PSD3: variants seen among roughly 807,000 people sequenced by gnomAD.
PSD3 encodes the protein PH and SEC7 domain-containing protein 3.
In PSD3, 49 loss-of-function variants were observed where a neutral mutation model predicts 105.5. The observed-to-expected ratio is 0.46, with a 90% CI of 0.37 to 0.59. The LOEUF is 0.59. Among genes scored for constraint, PSD3 ranks in the 20% least tolerant of loss-of-function variants. PSD3 has a pLI of 0.00. For missense variants in PSD3, 1,561 were observed against 1,263.8 expected, an observed-to-expected ratio of 1.24 and a Z score of -3.57; for synonymous variants, 557 against 457.8, an observed-to-expected ratio of 1.22 and a Z score of -2.77.
chr8:18,582,304 T>C (rs1167674644), intron 12 of PSD3, among the ~76,000 whole-genome samples: 2 of 152,200 alleles, frequency 1.3e-5, no homozygotes, highest in African/African-American at 4.8e-5. Flanking sequence ...TCCTACTTGC[T>C]GAATTGACGT....
At chr8:18,829,512 T>G (rs1813508491) in intron 4 of PSD3, among the ~76,000 whole-genome samples, 1 of 152,208 alleles carries the variant, frequency 6.6e-6, no homozygotes, top group Non-Finnish European at 1.5e-5. Context: ...CCAGATTTGC[T>G]GCGTTTGGCT....
At chr8:18,925,264 G>A (rs74398923) in intron 2 of PSD3, among the ~76,000 whole-genome samples, 13,248 of 152,016 alleles carry the variant, frequency 0.087, 1,199 homozygotes, top group African/African-American at 0.22. Context: ...GCATGGTGGC[G>A]TACACCTGTG....
intron 1 of PSD3, among the ~76,000 whole-genome samples, chr8:19,066,240 A>G (rs1286037854): frequency 1.3e-5 from 2 of 152,246 alleles, no homozygotes; most frequent in African/African-American, 4.8e-5. Flanking sequence ...TAAAATCATT[A>G]CAGAGTTTTA....
At chr8:18,898,304 A>T (rs969834703) in intron 2 of PSD3, among the ~76,000 whole-genome samples, 3 of 152,176 alleles carry the variant, frequency 2.0e-5, no homozygotes, top group African/African-American at 7.2e-5. Context: ...ATATACGTTT[A>T]TAAGTGTTAT....
intron 9 of PSD3, among the ~76,000 whole-genome samples, chr8:18,750,231 G>A (rs370814361): frequency 1.6e-4 from 24 of 152,262 alleles, no homozygotes; most frequent in African/African-American, 5.3e-4. Flanking sequence ...ATGAAGCCGC[G>A]GACCCTCGCG....
intron 9 of PSD3, among the ~76,000 whole-genome samples, chr8:18,691,120 A>G (rs1197586596): frequency 6.6e-6 from 1 of 152,242 alleles, no homozygotes; most frequent in Non-Finnish European, 1.5e-5. Context: ...TTCCTCAAAC[A>G]TACAAAGCAA....
chr8:18,901,785 T>C (rs1244129944), intron 2 of PSD3, among the ~76,000 whole-genome samples: 1 of 152,232 alleles, frequency 6.6e-6, no homozygotes, highest in East Asian at 1.9e-4. Context: ...CTCTAAAGGA[T>C]AGCTTTGCTG....
intron 1 of PSD3, among the ~76,000 whole-genome samples, chr8:19,012,880 C>T (rs1254554476): frequency 6.6e-6 from 1 of 152,154 alleles, no homozygotes; most frequent in Non-Finnish European, 1.5e-5. Context: ...AATCGTGGTG[C>T]CCATTCCATC....
intron 9 of PSD3, among the ~76,000 whole-genome samples, chr8:18,758,378 G>T (rs1260629399): frequency 2.0e-5 from 3 of 151,008 alleles, no homozygotes; most frequent in Non-Finnish European, 2.9e-5. Flanking sequence ...GAAAGGGGTA[G>T]ATGGAACTCA....
chr8:18,687,329 G>C (rs1380842581), intron 9 of PSD3, among the ~76,000 whole-genome samples: 1 of 152,024 alleles, frequency 6.6e-6, no homozygotes, highest in Non-Finnish European at 1.5e-5. Flanking sequence ...AGCCGGGCAT[G>C]ATGATGAGCA....
intron 9 of PSD3, among the ~76,000 whole-genome samples, chr8:18,657,383 T>C (rs1296743875): frequency 2.6e-5 from 4 of 152,258 alleles, no homozygotes; most frequent in Non-Finnish European, 5.9e-5. Flanking sequence ...ACAAACTTCA[T>C]GAAAGTTCTC....
At chr8:19,006,837 C>A (rs1483549783) in intron 1 of PSD3, among the ~76,000 whole-genome samples, 1 of 152,046 alleles carries the variant, frequency 6.6e-6, no homozygotes, top group Non-Finnish European at 1.5e-5. Flanking sequence ...GACAGCTCTG[C>A]AGGTGTCCCC....
intron 9 of PSD3, among the ~76,000 whole-genome samples, chr8:18,730,517 A>C (rs920839828): frequency 6.6e-6 from 1 of 152,228 alleles, no homozygotes; most frequent in Non-Finnish European, 1.5e-5. Context: ...GTTGACCCTT[A>C]GTACCTCTGA....
chr8:19,076,055 G>A (rs1358528394), intron 1 of PSD3, among the ~76,000 whole-genome samples: 10 of 152,156 alleles, frequency 6.6e-5, no homozygotes, highest in Admixed American at 5.2e-4. Context: ...AGCCAGAAGT[G>A]GCTCACGAAA....
intron 11 of PSD3, among the ~76,000 whole-genome samples, chr8:18,614,016 C>T (rs1021708676): frequency 6.6e-6 from 1 of 152,224 alleles, no homozygotes; most frequent in Non-Finnish European, 1.5e-5. Flanking sequence ...ATTTGGCTTA[C>T]AGCCAAATCT....
intron 8 of PSD3, among the ~76,000 whole-genome samples, chr8:18,771,465 T>C (rs1161238846): frequency 2.0e-5 from 3 of 152,240 alleles, no homozygotes; most frequent in Non-Finnish European, 2.9e-5. Flanking sequence ...CCAAAAAATT[T>C]TGTAGCATTA....
chr8:18,605,387 T>C (rs1273331485), intron 11 of PSD3, among the ~76,000 whole-genome samples: 1 of 150,826 alleles, frequency 6.6e-6, no homozygotes, highest in East Asian at 2.0e-4. Context: ...TTTTTTTTGG[T>C]CCATATATTC....
intron 2 of PSD3, among the ~76,000 whole-genome samples, chr8:18,892,796 T>C (rs1003982862): frequency 6.6e-6 from 1 of 151,954 alleles, no homozygotes; most frequent in African/African-American, 2.4e-5. Flanking sequence ...GGCTAACTTT[T>C]GTATTTTTAG....
At chr8:19,064,409 A>G (rs574314735) in intron 1 of PSD3, among the ~76,000 whole-genome samples, 133 of 152,144 alleles carry the variant, frequency 8.7e-4, no homozygotes, top group Non-Finnish European at 1.7e-3. Flanking sequence ...CAACAGTTAT[A>G]CCTATTTATG....
Sources: allele counts gnomAD v4.1 joint callset (sites outside exome capture counted in the v4.1 genomes callset), GRCh38; gene constraint gnomAD v4.1.1; transcripts MANE v1.5; gene names NCBI Gene and HGNC (gene_info 2026-07-23, HGNC 2026-07-21).